The following FOXP1 variants were observed in gnomAD, a reference collection of about 807,000 sequenced individuals.
The protein encoded by FOXP1 is forkhead box protein P1.
Under a neutral mutation model 98.2 loss-of-function variants are expected in FOXP1, and 15 were observed. That is an observed-to-expected ratio of 0.15 (90% confidence interval 0.10 to 0.24). FOXP1 has a LOEUF of 0.24. Among genes scored for constraint, FOXP1 ranks in the 10% least tolerant of loss-of-function variants. The pLI, the probability that FOXP1 is intolerant of heterozygous loss-of-function variation, is 1.00. For missense variants in FOXP1, 633 were observed against 848.5 expected (o/e 0.75, Z 3.15); for synonymous variants, 371 against 314.5 (o/e 1.18, Z -1.90).
At chr3:71,445,330 C>A (rs749071693) in intron 3 of FOXP1, among the ~76,000 whole-genome samples, 1 of 152,146 alleles carries the variant, frequency 6.6e-6, no homozygotes, top group Non-Finnish European at 1.5e-5. Flanking sequence ...ACACACATCT[C>A]CAGCAATGTA....
intron 4 of FOXP1, among the ~76,000 whole-genome samples, chr3:71,331,897 G>T (rs1045717179): frequency 1.3e-5 from 2 of 151,976 alleles, no homozygotes; most frequent in African/African-American, 4.8e-5. Context: ...TAGTGGGGAG[G>T]TGGAGAACTT....
intron 3 of FOXP1, among the ~76,000 whole-genome samples, chr3:71,368,527 T>C (rs908248035): frequency 2.0e-5 from 3 of 152,190 alleles, no homozygotes; most frequent in Non-Finnish European, 2.9e-5. Flanking sequence ...AAAAAGGGTA[T>C]TGATATATGC....
chr3:71,387,819 C>T (rs950362730), intron 3 of FOXP1, among the ~76,000 whole-genome samples: 2 of 152,144 alleles, frequency 1.3e-5, no homozygotes, highest in South Asian at 2.1e-4. Flanking sequence ...TTTATTTCAA[C>T]GTCTAATGCT....
chr3:71,094,160 C>T lies in FOXP1; in HGVS notation c.282+18376G>A, dbSNP rs187785328. 3.9e-5 allele frequency among the ~76,000 whole-genome samples: 6 copies of T among 152,314 alleles called. No individual in the cohort carries two copies. The East Asian group carries it at 1.2e-3, about 29-fold the overall frequency. ...ACGCACAGTCTCTGTCGCACCCACT[C>T]ATCTCTGCTGAAAGCAGCCATAGAC... On this transcript the variant is annotated intron_variant, in intron 7 of 20. Transcript: ENST00000649528.
intron 13 of FOXP1, among the ~76,000 whole-genome samples, chr3:70,989,782 G>A (rs1232606700): frequency 6.6e-6 from 1 of 152,134 alleles, no homozygotes; most frequent in East Asian, 1.9e-4. Flanking sequence ...GAAGTCTGCT[G>A]AATATTAATT....
chr3:71,343,946 T>A (rs549513458), intron 4 of FOXP1, among the ~76,000 whole-genome samples: 2 of 152,156 alleles, frequency 1.3e-5, no homozygotes, highest in African/African-American at 2.4e-5. Flanking sequence ...AAGAGCCGGG[T>A]TTTTTCATTG....
At chr3:71,138,487 C>T (rs558901598) in intron 6 of FOXP1, among the ~76,000 whole-genome samples, 13 of 152,052 alleles carry the variant, frequency 8.5e-5, no homozygotes, top group East Asian at 1.9e-4. Context: ...AAAAGAAAGG[C>T]GAGAAGGCAG....
intron 3 of FOXP1, among the ~76,000 whole-genome samples, chr3:71,438,559 C>T (rs1344107192): frequency 2.0e-5 from 3 of 152,062 alleles, no homozygotes; most frequent in African/African-American, 7.2e-5. Flanking sequence ...CTTCTCCAGG[C>T]TCCCCTCCAC....
chr3:71,211,060 C>T (rs534528611), intron 5 of FOXP1, among the ~76,000 whole-genome samples: 4 of 152,308 alleles, frequency 2.6e-5, no homozygotes, highest in South Asian at 2.1e-4. Context: ...TAAACCTGGG[C>T]ATATAATCAT....
At chr3:71,210,371 A>ATCATCTTTCCCCAAATCAACATAGTC (rs2064359968) in intron 5 of FOXP1, among the ~76,000 whole-genome samples, 3 of 152,172 alleles carry the variant, frequency 2.0e-5, no homozygotes, top group Admixed American at 6.5e-5. Context: ...TCTGCCAACC[A>ATCATCTTTCCCCAAATCAACATAGTC]TCATCTTTCC....
rs535754797 is a variant in FOXP1, at chr3:71,149,222, G to A, written c.181-36585C>T. Among the ~76,000 whole-genome samples, 28 of 152,296 alleles carry A rather than the reference G, an allele frequency of 1.8e-4. No homozygotes were observed. The South Asian group carries it at 5.6e-3, about 30-fold the overall frequency. ...ACAGGCAGAAGGGTTGCCTGTCTGC[G>A]TGGGCTATGGGAGGAAAGGCAAGTT... On this transcript the variant is annotated intron_variant, in intron 6 of 20. Coordinates refer to ENST00000649528, the MANE Select transcript of FOXP1 (RefSeq NM_001349338.3).
intron 5 of FOXP1, among the ~76,000 whole-genome samples, chr3:71,288,617 T>C (rs978763531): frequency 3.9e-5 from 6 of 152,206 alleles, no homozygotes; most frequent in Non-Finnish European, 1.5e-5. Context: ...CACTTTCCTC[T>C]ATGCCTTTTA....
chr3:71,271,751 A>G lies in FOXP1; in HGVS notation c.-12+28069T>C, dbSNP rs141319136. ...ACAGAGAGACAGAGGCTGCTCACGTACCAAAAAATAGAAAGGAGACAAAGA... is the reference window on the plus strand; with the variant it reads ...ACAGAGAGACAGAGGCTGCTCACGTGCCAAAAAATAGAAAGGAGACAAAGA... On this transcript the variant is annotated intron_variant, in intron 5 of 20. Coordinates refer to ENST00000649528, the MANE Select transcript of FOXP1 (RefSeq NM_001349338.3). Among the ~76,000 whole-genome samples, 108 of 152,336 alleles carry G rather than the reference A, an allele frequency of 7.1e-4. 4 individuals carry two copies. The highest frequency in any genetic ancestry group is 2.5e-3 in the African/African-American group (104 of 41,590).
chr3:71,404,276 C>T (rs1029764392), intron 3 of FOXP1, among the ~76,000 whole-genome samples: 4 of 151,570 alleles, frequency 2.6e-5, no homozygotes, highest in Admixed American at 6.6e-5. Context: ...TATAGACATG[C>T]ACCACCATGC....
At chr3:71,070,509 A>G (rs1364516735) in intron 7 of FOXP1, among the ~76,000 whole-genome samples, 1 of 152,192 alleles carries the variant, frequency 6.6e-6, no homozygotes, top group Non-Finnish European at 1.5e-5. Context: ...CCTAAGATCC[A>G]AAAAACGGAA....
chr3:71,331,258 A>G (rs2076278941), intron 4 of FOXP1, among the ~76,000 whole-genome samples: 1 of 152,088 alleles, frequency 6.6e-6, no homozygotes, highest in South Asian at 2.1e-4. Flanking sequence ...TGGGGCAGTG[A>G]GGGGCTTAGC....
intron 19 of FOXP1, among the ~76,000 whole-genome samples, chr3:70,967,539 T>A (rs1279094719): frequency 6.6e-6 from 1 of 152,126 alleles, no homozygotes; most frequent in Non-Finnish European, 1.5e-5. Flanking sequence ...ACAGCAAATG[T>A]GAACATTCCA....
At chr3:71,266,695 G>A (rs753530601) in intron 5 of FOXP1, among the ~76,000 whole-genome samples, 1 of 152,168 alleles carries the variant, frequency 6.6e-6, no homozygotes, top group Non-Finnish European at 1.5e-5. Context: ...AGGGACCACT[G>A]TATCCACTAA....
At chr3:71,070,159 T>G (rs2053040866) in intron 7 of FOXP1, among the ~76,000 whole-genome samples, 1 of 152,176 alleles carries the variant, frequency 6.6e-6, no homozygotes, top group Admixed American at 6.5e-5. Flanking sequence ...CTGGAATATA[T>G]AAATTAAGAC....
Sources: gnomAD v4.1 joint callset for allele counts (sites outside exome capture counted in the v4.1 genomes callset) on GRCh38, gnomAD v4.1.1 for gene constraint, MANE v1.5 for transcripts, NCBI Gene and HGNC (gene_info 2026-07-23, HGNC 2026-07-21) for gene names.